The following FOXO3B variants were observed in gnomAD, a reference collection of about 807,000 sequenced individuals.
FOXO3B encodes forkhead box O3B.
In FOXO3B, 15 loss-of-function variants were observed where a neutral mutation model predicts 21.9. The observed-to-expected ratio is 0.68, with a 90% confidence interval of 0.46 to 1.05. The LOEUF is 1.05. FOXO3B is among the 50% of genes least tolerant of loss of function. The pLI is 0.00. For missense variants in FOXO3B, 293 were observed against 435.5 expected (o/e 0.67, Z 2.91); for synonymous variants, 135 against 213.6 (o/e 0.63, Z 3.21).
Position 18,672,530 on chromosome 17 carries a change from G to C in FOXO3B, c.652C>G (p.Leu218Val). ...TQALLQPQQP[L>V]PPPQPGAAGG... Reference sequence around the variant, plus strand: ...GCCGCCCCCGGCTGCGGCGGTGGCAGCGGTTGCTGAGGCTGCAGCAGCGCC... The same window carrying C: ...GCCGCCCCCGGCTGCGGCGGTGGCACCGGTTGCTGAGGCTGCAGCAGCGCC... The change falls in exon 4 of 4, where the codon CTG (leucine) becomes GTG (valine). Residue 218 changes from leucine (L) to valine (V), a missense_variant. By Grantham distance (32) the Leu-to-Val change is conservative. Coordinates refer to ENST00000395675, the MANE Select transcript of FOXO3B (RefSeq NM_001368135.1). The surrounding 1 kb of genome is among the most constrained non-coding windows in gnomAD (Gnocchi z 4.2). The C allele has an allele frequency of 6.7e-7, 1 of 1,494,364 alleles. No individual in the cohort carries two copies. The highest frequency in any genetic ancestry group is 8.9e-7 in the Non-Finnish European group (1 of 1,121,902). The allele number at this position is 1,494,364 out of a possible 1,614,324, so 92.6% of individuals were successfully genotyped here.
intron 3 of FOXO3B, among the ~76,000 whole-genome samples, chr17:18,674,638 AAG>A (rs1491187137): frequency 3.0e-5 from 4 of 132,286 alleles, no homozygotes; most frequent in East Asian, 2.5e-4. Flanking sequence ...AAAAAAAAAA[AAG>A]GGGGGGGGGA....
chr17:18,680,029 C>A (rs1290622224), intron 3 of FOXO3B, among the ~76,000 whole-genome samples: 1 of 151,992 alleles, frequency 6.6e-6, no homozygotes. Context: ...TTAGTAGAGA[C>A]GAGGTTTCAC....
At chr17:18,674,079 G>A (rs1331954505) in intron 3 of FOXO3B, among the ~76,000 whole-genome samples, 11 of 151,828 alleles carry the variant, frequency 7.2e-5, no homozygotes, top group Admixed American at 4.6e-4. Context: ...TTGAAGTATC[G>A]TTGACATAAG....
At chr17:18,679,033 T>TA (rs2032540577) in intron 3 of FOXO3B, among the ~76,000 whole-genome samples, 1 of 151,410 alleles carries the variant, frequency 6.6e-6, no homozygotes, top group Admixed American at 6.6e-5. Flanking sequence ...CTAAACTCGT[T>TA]AGAGGCCAAC....
At position 18,672,351 on chromosome 17, in the gene FOXO3B, G is replaced by A. The variant is rs2032385717; in HGVS notation, c.831C>T (p.Pro277=). Residue 277 remains proline (P), a synonymous_variant, in exon 4 of 4, where the codon CCC becomes CCT. Transcript: ENST00000395675. The surrounding 1 kb of genome is among the most constrained non-coding windows in gnomAD (Gnocchi z 4.2). ...TGCTGTTGCCCTTATCCTTGAAGTA[G>A]GGCACGCAACTCACCATCCACTCGT... ...QIYEWMVSCV[P]YFKDKGNSNS... is the part of the protein sequence containing the mutation. 24 of 1,612,106 alleles carry A rather than the reference G, an allele frequency of 1.5e-5. No individual in the cohort carries two copies. In the South Asian group the frequency reaches 2.2e-4, roughly 15 times the overall value.
At chr17:18,678,412 T>C (rs965918945) in intron 3 of FOXO3B, among the ~76,000 whole-genome samples, 22 of 152,010 alleles carry the variant, frequency 1.4e-4, no homozygotes, top group Admixed American at 1.2e-3. Context: ...TGAAAAAATA[T>C]ACATAGTAGA....
At chr17:18,673,129 G>GC in intron 3 of FOXO3B, 74 bp from the exon 4 acceptor site, 1 of 1,403,424 alleles carries the variant, frequency 7.1e-7, no homozygotes, top group Non-Finnish European at 9.2e-7. Context: ...GCGAGTCCTC[G>GC]CCCGCTGCCG....
chr17:18,671,857 G>T lies in FOXO3B; in HGVS notation c.*452C>A. On this transcript the variant is annotated 3_prime_UTR_variant, in exon 4 of 4. Transcript: ENST00000395675. ...TTCCACCGTGCACGGCTTGCTTACT[G>T]AAGGTGACAGGCTCGCTGAGCTGCT... The T allele has an allele frequency of 6.2e-7, 1 of 1,613,066 alleles. No homozygotes were observed. Among genetic ancestry groups the T allele is most frequent in the South Asian group, 1.1e-5 (1 of 91,012 alleles).
At position 18,681,865 on chromosome 17, in the gene FOXO3B, C is replaced by CA. The variant is rs2032591448; in HGVS notation, c.-195-20dup. Reference sequence around the variant, plus strand: ...CTGGAGCCTGGAAGCCCGGGGACAGCATCCCTGAGGCTGGGTCCTCAGATG... The same window carrying CA: ...CTGGAGCCTGGAAGCCCGGGGACAGCAATCCCTGAGGCTGGGTCCTCAGATG... On this transcript the variant is annotated intron_variant, in intron 1 of 3. Coordinates refer to ENST00000395675, the MANE Select transcript of FOXO3B (RefSeq NM_001368135.1). 1.6e-6 allele frequency: 1 copy of CA among 607,196 alleles called. No homozygotes were observed. Among genetic ancestry groups the CA allele is most frequent in the African/African-American group, 1.9e-5 (1 of 53,620 alleles). The allele number at this position is 607,196 out of a possible 1,614,324, so 37.6% of individuals were successfully genotyped here. A position where few individuals can be genotyped will look rare whatever the true frequency, so the allele number is the denominator to read the frequency against.
In FOXO3B at chr17:18,673,067, CGA is replaced by C; in HGVS notation, c.127-14_127-13del. ...GCCGCCGCCGCCGCCTGGGGAAGCA[CGA>C]GAGAAGAGAGAAGGAGAGTTGGTTA... is the stretch of plus-strand genomic sequence containing the variant. On this transcript the variant is annotated splice_polypyrimidine_tract_variant and intron_variant, in intron 3 of 3. Coordinates refer to ENST00000395675, the MANE Select transcript of FOXO3B (RefSeq NM_001368135.1). 1.4e-6 allele frequency: 2 copies of C among 1,462,214 alleles called. No individual in the cohort carries two copies. Among genetic ancestry groups the C allele is most frequent in the Non-Finnish European group, 1.8e-6 (2 of 1,111,790 alleles). The allele number at this position is 1,462,214 out of a possible 1,614,324, so 90.6% of individuals were successfully genotyped here. A position where few individuals can be genotyped will look rare whatever the true frequency, so the allele number is the denominator to read the frequency against.
intron 3 of FOXO3B, among the ~76,000 whole-genome samples, chr17:18,675,712 A>C (rs2032471166): frequency 6.6e-6 from 1 of 152,362 alleles, no homozygotes; most frequent in South Asian, 2.1e-4. Context: ...GTAGCATTAC[A>C]AATCAGTAAC....
At position 18,672,393 on chromosome 17, in the gene FOXO3B, G is replaced by T; in HGVS notation, c.789C>A (p.Leu263=). The T allele has an allele frequency of 6.2e-7, 1 of 1,613,510 alleles. No individual in the cohort carries two copies. The highest frequency in any genetic ancestry group is 8.5e-7 in the Non-Finnish European group (1 of 1,179,690). Reference sequence around the variant, plus strand: ...TCCACTCGTAGATCTGGGACAGAGTGAGCCGTCTGTCCGGGGAGCTCTCGA... The same window carrying T: ...TCCACTCGTAGATCTGGGACAGAGTTAGCCGTCTGTCCGGGGAGCTCTCGA... ...RAIESSPDRR[L]TLSQIYEWMV... The change falls in exon 4 of 4, where the codon CTC becomes CTA. Residue 263 remains leucine (L), a synonymous_variant. Transcript: ENST00000395675. This position sits in a 1 kb window ranked among gnomAD's most constrained non-coding sequence, Gnocchi z 4.2.
At chr17:18,681,227 C>G in intron 2 of FOXO3B, 1 of 401,984 alleles carries the variant, frequency 2.5e-6, no homozygotes, top group Non-Finnish European at 4.6e-6. Flanking sequence ...ACAACCACCC[C>G]AGGGGGAATT....
intron 3 of FOXO3B, among the ~76,000 whole-genome samples, chr17:18,674,696 T>C (rs981738996): frequency 1.0e-4 from 15 of 148,722 alleles, no homozygotes; most frequent in Non-Finnish European, 2.1e-4. Flanking sequence ...TGAAAAAAAC[T>C]GGAAGTGTAC....
chr17:18,674,639 A>AAAAGG lies in FOXO3B; in HGVS notation c.127-1585_127-1584insCCTTT, dbSNP rs61684359. 1.3e-4 allele frequency among the ~76,000 whole-genome samples: 16 copies of AAAAGG among 121,450 alleles called. 1 individual carries two copies. Among genetic ancestry groups the AAAAGG allele is most frequent in the African/African-American group, 4.6e-4 (13 of 28,556 alleles). 79.7% of individuals were successfully genotyped at this position (121,450 alleles called of 152,430 possible). A position where few individuals can be genotyped will look rare whatever the true frequency, so the allele number is the denominator to read the frequency against. ...AGACTCCATCTCAAAAAAAAAAAAA[A>AAAAGG]GGGGGGGGGGAGATTACAGACAAAT... On this transcript the variant is annotated intron_variant, in intron 3 of 3. Transcript: ENST00000395675.
At position 18,682,307 on chromosome 17, in the gene FOXO3B, G is replaced by C. The variant is rs1210678246; in HGVS notation, c.-299C>G. 2.8e-5 allele frequency: 15 copies of C among 530,778 alleles called. No individual in the cohort carries two copies. The highest frequency in any genetic ancestry group is 5.3e-5 in the Non-Finnish European group (15 of 283,342). 32.9% of individuals were successfully genotyped at this position (530,778 alleles called of 1,614,324 possible). A position where few individuals can be genotyped will look rare whatever the true frequency, so the allele number is the denominator to read the frequency against. On this transcript the variant is annotated 5_prime_UTR_variant, in exon 1 of 4. Transcript: ENST00000395675. Reference sequence around the variant, plus strand: ...CAGGCGTGCTGCTCTCATTCCGCCCGGAACTACAATTCCCAGAAGCGCCTT... The same window carrying C: ...CAGGCGTGCTGCTCTCATTCCGCCCCGAACTACAATTCCCAGAAGCGCCTT...
intron 3 of FOXO3B, among the ~76,000 whole-genome samples, chr17:18,677,953 T>G (rs1392989435): frequency 6.9e-6 from 1 of 145,140 alleles, no homozygotes; most frequent in Non-Finnish European, 1.5e-5. Flanking sequence ...AATTATTCCC[T>G]TAAGATAAAA....
Position 18,672,283 on chromosome 17 carries a change from G to C in FOXO3B, c.*26C>G. On this transcript the variant is annotated 3_prime_UTR_variant, in exon 4 of 4. Coordinates refer to ENST00000395675, the MANE Select transcript of FOXO3B (RefSeq NM_001368135.1). This position sits in a 1 kb window ranked among gnomAD's most constrained non-coding sequence, Gnocchi z 4.2. Reference sequence around the variant, plus strand: ...GACCCGCATGAATCGACTATGCAGTGACAGGTTGTGCCGGATGGAGTTCTT... The same window carrying C: ...GACCCGCATGAATCGACTATGCAGTCACAGGTTGTGCCGGATGGAGTTCTT... 1 of 1,611,630 alleles carries C rather than the reference G, an allele frequency of 6.2e-7. No homozygotes were observed. Among genetic ancestry groups the C allele is most frequent in the South Asian group, 1.1e-5 (1 of 90,882 alleles).
chr17:18,677,674 T>A, intron 3 of FOXO3B: 2 of 1,606,482 alleles, frequency 1.2e-6, no homozygotes, highest in Non-Finnish European at 1.7e-6. Flanking sequence ...GAGGGTCCCA[T>A]GGCCAAGAAG....
Sources: gnomAD v4.1 joint callset for allele counts (sites outside exome capture counted in the v4.1 genomes callset) on GRCh38, gnomAD v4.1.1 for gene constraint, Gnocchi (gnomAD v3.1) non-coding constraint, MANE v1.5 for transcripts, NCBI Gene and HGNC (gene_info 2026-07-23, HGNC 2026-07-21) for gene names.